Variants in CACNA2D1 observed in about 807,000 individuals in gnomAD.
The protein encoded by CACNA2D1 is calcium voltage-gated channel auxiliary subunit alpha2delta 1, also known as voltage-dependent calcium channel subunit alpha-2/delta-1.
Under a neutral mutation model 171.5 loss-of-function variants are expected in CACNA2D1, and 53 were observed. The observed-to-expected ratio is 0.31, with a 90% CI of 0.25 to 0.39. The LOEUF is 0.39. CACNA2D1 is among the 10% of genes least tolerant of loss of function. The probability of loss-of-function intolerance (pLI) is 1.00; values close to 1 mark genes in which losing one functional copy is unlikely to be tolerated. For synonymous variants in CACNA2D1, 442 were observed against 443.1 expected, an observed-to-expected ratio of 1.00 and a Z score of 0.03; for missense variants, 903 against 1,299.8, an observed-to-expected ratio of 0.69 and a Z score of 4.69.
At chr7:82,173,557 T>G (rs560318967) in intron 3 of CACNA2D1, among the ~76,000 whole-genome samples, 1 of 152,158 alleles carries the variant, frequency 6.6e-6, no homozygotes, top group Admixed American at 6.6e-5. Context: ...TACTAAACTT[T>G]AGAGACTTAG....
chr7:82,063,219 G>T (rs1021848819), intron 9 of CACNA2D1, among the ~76,000 whole-genome samples: 1 of 151,900 alleles, frequency 6.6e-6, no homozygotes, highest in African/African-American at 2.4e-5. Context: ...ATTATTTCTG[G>T]ATATTATTAT....
chr7:82,276,633 A>AT (rs1235512010), intron 3 of CACNA2D1, among the ~76,000 whole-genome samples: 1 of 152,140 alleles, frequency 6.6e-6, no homozygotes, highest in South Asian at 2.1e-4. Context: ...TATGTCTGCC[A>AT]TTTAAGTCAG....
intron 1 of CACNA2D1, among the ~76,000 whole-genome samples, chr7:82,400,479 T>G (rs553943448): frequency 2.0e-5 from 3 of 152,142 alleles, no homozygotes; most frequent in Non-Finnish European, 4.4e-5. Context: ...TAATAAATGG[T>G]GCTGGGAAAA....
chr7:82,052,932 T>C (rs1201937503), intron 10 of CACNA2D1, among the ~76,000 whole-genome samples: 2 of 152,126 alleles, frequency 1.3e-5, no homozygotes, highest in African/African-American at 4.8e-5. Context: ...AACAAATTAC[T>C]ATGAAAAACA....
At chr7:82,172,305 G>GA (rs1415785464) in intron 3 of CACNA2D1, among the ~76,000 whole-genome samples, 1 of 151,834 alleles carries the variant, frequency 6.6e-6, no homozygotes, top group Non-Finnish European at 1.5e-5. Flanking sequence ...AATACTTTTA[G>GA]AAACTCAACT....
At chr7:82,225,300 A>G (rs1802238286) in intron 3 of CACNA2D1, among the ~76,000 whole-genome samples, 1 of 152,224 alleles carries the variant, frequency 6.6e-6, no homozygotes, top group African/African-American at 2.4e-5. Flanking sequence ...AGGTAGCTGA[A>G]TAACTTTAAT....
intron 24 of CACNA2D1, among the ~76,000 whole-genome samples, chr7:81,980,172 C>CAAAA (rs35616922): frequency 6.8e-3 from 171 of 25,268 alleles, no homozygotes; most frequent in Middle Eastern, 0.05. Flanking sequence ...TAAAACCAAG[C>CAAAA]AAAAAAAAAA....
rs532403192 is a variant in CACNA2D1, at chr7:82,109,243, T to A, written c.526+7801A>T. 2.2e-3 allele frequency among the ~76,000 whole-genome samples: 328 copies of A among 152,246 alleles called. 4 individuals are homozygous for A. Among genetic ancestry groups the A allele is most frequent in the South Asian group, 0.019 (92 of 4,830 alleles). ...AAAGAACCCTTTTTTTTGCAAATTA[T>A]CTGGTTTTAAAAAATCAATAAACAC... On this transcript the variant is annotated intron_variant, in intron 6 of 38. Coordinates refer to ENST00000356860, the MANE Select transcript of CACNA2D1 (RefSeq NM_000722.4).
chr7:82,117,881 T>A lies in CACNA2D1; in HGVS notation c.397-708A>T, dbSNP rs573624574. ...CTAATATTATCCACTTGAAATAAATTTCACAATTTATTTAACTAAATTTAT... is the reference window on the plus strand; with the variant it reads ...CTAATATTATCCACTTGAAATAAATATCACAATTTATTTAACTAAATTTAT... On this transcript the variant is annotated intron_variant, in intron 5 of 38. Coordinates refer to ENST00000356860, the MANE Select transcript of CACNA2D1 (RefSeq NM_000722.4). Among the ~76,000 whole-genome samples, 18 of 152,248 alleles carry A rather than the reference T, an allele frequency of 1.2e-4. No homozygotes were observed. The South Asian group carries it at 3.1e-3, about 26-fold the overall frequency.
At chr7:82,315,278 C>T (rs1814978302) in intron 3 of CACNA2D1, among the ~76,000 whole-genome samples, 1 of 151,778 alleles carries the variant, frequency 6.6e-6, no homozygotes, top group Non-Finnish European at 1.5e-5. Context: ...TAGCTGGTAC[C>T]ATATTTAAAC....
intron 10 of CACNA2D1, among the ~76,000 whole-genome samples, chr7:82,041,573 A>G (rs1179935473): frequency 1.3e-5 from 2 of 152,198 alleles, no homozygotes; most frequent in Non-Finnish European, 2.9e-5. Context: ...TATTTTGAAC[A>G]AGACTTTCAT....
At chr7:82,046,785 AATC>A (rs1221778396) in intron 10 of CACNA2D1, among the ~76,000 whole-genome samples, 4 of 152,178 alleles carry the variant, frequency 2.6e-5, no homozygotes, top group Non-Finnish European at 5.9e-5. Context: ...TATAAATGTA[AATC>A]ATCATTCATC....
At chr7:82,025,325 G>A (rs1170129039) in intron 12 of CACNA2D1, among the ~76,000 whole-genome samples, 1 of 151,484 alleles carries the variant, frequency 6.6e-6, no homozygotes, top group African/African-American at 2.4e-5. Context: ...TCATCACAGT[G>A]TTACAGTTTT....
intron 5 of CACNA2D1, among the ~76,000 whole-genome samples, chr7:82,133,534 A>T (rs114472638): frequency 0.024 from 3,656 of 152,338 alleles, 135 homozygotes; most frequent in African/African-American, 0.082. Context: ...ATGTATCAAA[A>T]TTCATTAAAA....
At chr7:82,156,157 T>G (rs1284478861) in intron 4 of CACNA2D1, among the ~76,000 whole-genome samples, 3 of 152,192 alleles carry the variant, frequency 2.0e-5, no homozygotes, top group African/African-American at 7.2e-5. Context: ...AAAAATAATT[T>G]TAAATGAAAT....
intron 3 of CACNA2D1, among the ~76,000 whole-genome samples, chr7:82,213,923 C>T (rs1800831257): frequency 6.6e-6 from 1 of 152,134 alleles, no homozygotes; most frequent in African/African-American, 2.4e-5. Context: ...ATGTATTTCT[C>T]ACAGTTCTGG....
intron 3 of CACNA2D1, among the ~76,000 whole-genome samples, chr7:82,171,075 A>C (rs1795970047): frequency 6.6e-6 from 1 of 152,078 alleles, no homozygotes; most frequent in African/African-American, 2.4e-5. Context: ...CAAAAGCCAC[A>C]AAAGCTGAAA....
At chr7:82,358,546 G>A (rs1820718765) in intron 1 of CACNA2D1, among the ~76,000 whole-genome samples, 1 of 152,062 alleles carries the variant, frequency 6.6e-6, no homozygotes, top group Non-Finnish European at 1.5e-5. Context: ...GAGTAATCCT[G>A]TAAGAAAGGC....
chr7:82,347,171 A>T (rs573298722), intron 2 of CACNA2D1, among the ~76,000 whole-genome samples: 39 of 152,314 alleles, frequency 2.6e-4, no homozygotes, highest in African/African-American at 8.2e-4. Flanking sequence ...TCACATTTGT[A>T]AAGTTGAAGC....
Sources: gnomAD v4.1 joint callset for allele counts (sites outside exome capture counted in the v4.1 genomes callset) on GRCh38, gnomAD v4.1.1 for gene constraint, MANE v1.5 for transcripts, NCBI Gene and HGNC (gene_info 2026-07-23, HGNC 2026-07-21) for gene names.